ZC3H3: variants seen among roughly 807,000 people sequenced by gnomAD.
The protein encoded by ZC3H3 is zinc finger CCCH domain-containing protein 3.
ZC3H3 carries 36 observed loss-of-function variants against 77.3 expected under a neutral mutation model. The observed-to-expected ratio is 0.47, with a 90% CI of 0.36 to 0.61. The LOEUF (loss-of-function observed/expected upper bound fraction) is 0.61, where lower values mean the gene tolerates loss of function less well. ZC3H3 is among the 20% of genes least tolerant of loss of function. ZC3H3 has a pLI of 0.00. For missense variants in ZC3H3, 1,331 were observed against 1,312.2 expected (o/e 1.01, Z -0.22); for synonymous variants, 626 against 555.2 (o/e 1.13, Z -1.79).
At position 143,507,822 on chromosome 8, in the gene ZC3H3, G is replaced by A; in HGVS notation, c.1639C>T (p.Pro547Ser). Residue 547 changes from proline to serine, a missense_variant, in exon 4 of 12, where the codon CCG (proline) becomes TCG (serine). Pro to Ser is a moderately conservative substitution (Grantham distance 74). Coordinates refer to ENST00000262577, the MANE Select transcript of ZC3H3 (RefSeq NM_015117.3). ...GGCGGGGCGCTGAGAGGCGAGGCCG[G>A]CGTCTTCTTGACAATGCGGTAGCGG... ...KTRYRIVKKT[P>S]ASPLSAPPFP... is the part of the protein sequence containing the mutation. 6.2e-7 allele frequency: 1 copy of A among 1,609,718 alleles called. No homozygotes were observed. Among genetic ancestry groups the A allele is most frequent in the Non-Finnish European group, 8.5e-7 (1 of 1,178,784 alleles).
chr8:143,439,656 G>A (rs1395636584), intron 11 of ZC3H3, among the ~76,000 whole-genome samples: 4 of 152,216 alleles, frequency 2.6e-5, no homozygotes, highest in Non-Finnish European at 5.9e-5. Flanking sequence ...GGCAGACTGC[G>A]CAGCGGCCAC....
intron 3 of ZC3H3, among the ~76,000 whole-genome samples, chr8:143,524,568 T>A (rs1288838747): frequency 6.6e-6 from 1 of 152,218 alleles, no homozygotes; most frequent in African/African-American, 2.4e-5. Flanking sequence ...AGCAGGCAAG[T>A]CGCACAGAGG....
At chr8:143,499,996 G>A (rs532405834) in intron 4 of ZC3H3, among the ~76,000 whole-genome samples, 173 of 152,174 alleles carry the variant, frequency 1.1e-3, no homozygotes, top group African/African-American at 3.9e-3. Context: ...AGCAGCGGCC[G>A]GGCTGCAAAT....
chr8:143,440,574 TC>T (rs1310307466), intron 10 of ZC3H3, among the ~76,000 whole-genome samples: 1 of 152,092 alleles, frequency 6.6e-6, no homozygotes, highest in Non-Finnish European at 1.5e-5. Context: ...GCCCCTCACA[TC>T]CAGGGCCTTG....
intron 9 of ZC3H3, among the ~76,000 whole-genome samples, chr8:143,449,147 G>A (rs542777648): frequency 6.6e-6 from 1 of 152,216 alleles, no homozygotes; most frequent in Non-Finnish European, 1.5e-5. Context: ...GGGAGGGTCT[G>A]ACATGAAGGT....
At chr8:143,523,577 A>G in intron 3 of ZC3H3, 1 of 975,114 alleles carries the variant, frequency 1.0e-6, no homozygotes, top group Non-Finnish European at 1.2e-6. Context: ...GCAGTAGGAG[A>G]CCACAGCTCA....
chr8:143,540,539 C>CT (rs1158380009), intron 1 of ZC3H3, among the ~76,000 whole-genome samples: 1 of 152,144 alleles, frequency 6.6e-6, no homozygotes, highest in Non-Finnish European at 1.5e-5. Flanking sequence ...CATGGATTTT[C>CT]TTTTTAAGTT....
Position 143,507,729 on chromosome 8 carries a change from G to A in ZC3H3, c.1715+17C>T. The A allele has an allele frequency of 6.5e-7, 1 of 1,545,708 alleles. No homozygotes were observed. Among genetic ancestry groups the A allele is most frequent in the Non-Finnish European group, 8.7e-7 (1 of 1,146,574 alleles). On this transcript the variant is annotated intron_variant, in intron 4 of 11. Transcript: ENST00000262577. The stretch of plus-strand genomic sequence containing the variant: ...CCAGTTCCCAGGCCTGCAGGAGCCT[G>A]CAGGAAGCCTTCCTACCTGGATAGT...
rs117346944 is a variant in ZC3H3, at chr8:143,476,064, G to A, written c.1716-479C>T. Among the ~76,000 whole-genome samples, 743 of 152,296 alleles carry A rather than the reference G, an allele frequency of 4.9e-3. 7 individuals carry two copies. The highest frequency in any genetic ancestry group is 4.6e-3 in the Non-Finnish European group (311 of 68,020). On this transcript the variant is annotated intron_variant, in intron 4 of 11. Transcript: ENST00000262577. Reference sequence around the variant, plus strand: ...TGGTGAGAAGCACACCTGGCCCTTGGCACCTGGGCTGAGGCTCCCTTGAGT... The same window carrying A: ...TGGTGAGAAGCACACCTGGCCCTTGACACCTGGGCTGAGGCTCCCTTGAGT...
chr8:143,479,793 C>T (rs1820857289), intron 4 of ZC3H3, among the ~76,000 whole-genome samples: 1 of 152,214 alleles, frequency 6.6e-6, no homozygotes, highest in African/African-American at 2.4e-5. Flanking sequence ...CTCCCCTCTC[C>T]TCCCTGGGGG....
intron 4 of ZC3H3, among the ~76,000 whole-genome samples, chr8:143,503,161 G>T (rs1280186795): frequency 6.6e-6 from 1 of 152,202 alleles, no homozygotes; most frequent in African/African-American, 2.4e-5. Flanking sequence ...CCCGCCCCAA[G>T]CAGCCACATG....
chr8:143,485,900 A>AC (rs1385317173), intron 4 of ZC3H3, among the ~76,000 whole-genome samples: 2 of 151,928 alleles, frequency 1.3e-5, no homozygotes, highest in Non-Finnish European at 2.9e-5. Context: ...GAGGCCCCAC[A>AC]CCCCCCAGCA....
intron 10 of ZC3H3, 52 bp from the exon 11 acceptor site, chr8:143,440,415 C>T (rs1490041438): frequency 6.7e-7 from 1 of 1,488,490 alleles, no homozygotes; most frequent in Admixed American, 2.3e-5. Context: ...GGTGGGGATC[C>T]CAGCGACAGA....
chr8:143,510,888 G>A (rs1007114632), intron 3 of ZC3H3, among the ~76,000 whole-genome samples: 25 of 152,246 alleles, frequency 1.6e-4, no homozygotes, highest in African/African-American at 3.4e-4. Context: ...AACCCCTTGC[G>A]CCTTTATTGC....
chr8:143,535,037 C>G (rs1027693875), intron 3 of ZC3H3, among the ~76,000 whole-genome samples: 1 of 152,000 alleles, frequency 6.6e-6, no homozygotes, highest in Non-Finnish European at 1.5e-5. Context: ...GATGACGGTA[C>G]GCTTGGCTGG....
chr8:143,538,889 G>C lies in ZC3H3; in HGVS notation c.478C>G (p.Arg160Gly), dbSNP rs776395632. 1 of 1,612,718 alleles carries C rather than the reference G, an allele frequency of 6.2e-7. No individual in the cohort carries two copies. The highest frequency in any genetic ancestry group is 1.7e-5 in the Admixed American group (1 of 60,014). Reference sequence around the variant, plus strand: ...CGAGGGGGCTCACCTTCACCTTCCCGGGGCCTTTGGTCACTCCAGGGGGTT... The same window carrying C: ...CGAGGGGGCTCACCTTCACCTTCCCCGGGCCTTTGGTCACTCCAGGGGGTT... ...EETPWSDQRPREGEGEPPRGQ... is the reference protein window; with the variant it reads ...EETPWSDQRPGEGEGEPPRGQ... The change falls in exon 2 of 12, where the codon CGG becomes GGG. Residue 160 changes from arginine (R) to glycine (G), a missense_variant. By Grantham distance (125) the Arg-to-Gly change is moderately radical. This residue lies in a region of ZC3H3 where 978 missense variants were observed against 915.5 expected (regional missense o/e 1.07). Coordinates refer to ENST00000262577, the MANE Select transcript of ZC3H3 (RefSeq NM_015117.3).
At chr8:143,470,566 C>T (rs1017068750) in intron 5 of ZC3H3, among the ~76,000 whole-genome samples, 1 of 152,194 alleles carries the variant, frequency 6.6e-6, no homozygotes, top group African/African-American at 2.4e-5. Context: ...GGCGGTCTGT[C>T]GGCACTGCTG....
At chr8:143,497,463 C>T (rs1467634392) in intron 4 of ZC3H3, among the ~76,000 whole-genome samples, 1 of 152,214 alleles carries the variant, frequency 6.6e-6, no homozygotes, top group African/African-American at 2.4e-5. Flanking sequence ...CTGGGGTCCA[C>T]ATGGGCCATG....
chr8:143,485,754 C>T (rs1156693090), intron 4 of ZC3H3, among the ~76,000 whole-genome samples: 2 of 152,218 alleles, frequency 1.3e-5, no homozygotes, highest in African/African-American at 4.8e-5. Context: ...AACAAACTCC[C>T]ACAAATCAGC....
Sources: allele counts gnomAD v4.1 joint callset (sites outside exome capture counted in the v4.1 genomes callset), GRCh38; gene constraint gnomAD v4.1.1; regional missense constraint gnomAD v4.1.1; transcripts MANE v1.5; gene names NCBI Gene and HGNC (gene_info 2026-07-23, HGNC 2026-07-21).